LDLRAD3: variants seen among roughly 807,000 people sequenced by gnomAD.
The protein encoded by LDLRAD3 is low-density lipoprotein receptor class A domain-containing protein 3.
A neutral mutation model predicts 29.4 loss-of-function variants in LDLRAD3; 20 were observed. That is an observed-to-expected ratio of 0.68 (90% CI 0.48 to 0.99). The LOEUF (loss-of-function observed/expected upper bound fraction) is 0.99. Among genes scored for constraint, LDLRAD3 ranks in the 50% least tolerant of loss-of-function variants. The probability of loss-of-function intolerance (pLI) is 0.00; values close to 1 mark genes in which losing one functional copy is unlikely to be tolerated. For synonymous variants in LDLRAD3, 157 were observed against 192.7 expected, an observed-to-expected ratio of 0.81 and a Z score of 1.53; for missense variants, 420 against 454.3, an observed-to-expected ratio of 0.92 and a Z score of 0.69.
intron 1 of LDLRAD3, among the ~76,000 whole-genome samples, chr11:35,991,763 G>A (rs1301759846): frequency 6.6e-6 from 1 of 152,094 alleles, no homozygotes; most frequent in Non-Finnish European, 1.5e-5. Context: ...GCTGGTGGAG[G>A]GAGCTGCTTT....
chr11:35,982,908 C>T (rs1466742165), intron 1 of LDLRAD3, among the ~76,000 whole-genome samples: 3 of 133,472 alleles, frequency 2.2e-5, no homozygotes, highest in Admixed American at 8.8e-5. Flanking sequence ...AGCTGCAGTG[C>T]GGTGTCGCAA....
At chr11:35,952,281 A>G (rs984320364) in intron 1 of LDLRAD3, among the ~76,000 whole-genome samples, 5 of 152,166 alleles carry the variant, frequency 3.3e-5, no homozygotes, top group Non-Finnish European at 7.4e-5. Context: ...TAGAAATCCA[A>G]GTCTGTATGT....
chr11:36,225,869 G>A (rs185027920), intron 4 of LDLRAD3, among the ~76,000 whole-genome samples: 7 of 152,096 alleles, frequency 4.6e-5, no homozygotes, highest in Admixed American at 2.0e-4. Flanking sequence ...TCAAGAGTTC[G>A]AGACCAGCCT....
At chr11:36,144,437 A>C (rs1854139027) in intron 4 of LDLRAD3, among the ~76,000 whole-genome samples, 1 of 141,080 alleles carries the variant, frequency 7.1e-6, no homozygotes. Context: ...CCAGTCTGGA[A>C]AGTGAGGAGT....
chr11:36,149,425 C>T (rs1349116609), intron 4 of LDLRAD3, among the ~76,000 whole-genome samples: 2 of 152,212 alleles, frequency 1.3e-5, no homozygotes, highest in Admixed American at 6.5e-5. Context: ...TATCAGTATG[C>T]AGTCGCTAGA....
intron 4 of LDLRAD3, among the ~76,000 whole-genome samples, chr11:36,105,846 T>G (rs1853521666): frequency 6.6e-6 from 1 of 152,076 alleles, no homozygotes; most frequent in Non-Finnish European, 1.5e-5. Context: ...CTGTGGTACT[T>G]TGTTGCAGCA....
intron 4 of LDLRAD3, among the ~76,000 whole-genome samples, chr11:36,113,672 C>CTTT (rs745375991): frequency 0.063 from 7,934 of 126,296 alleles, 415 homozygotes; most frequent in African/African-American, 0.096. Context: ...CATAGCATCA[C>CTTT]TTTTTTTTTT....
At chr11:36,175,733 G>C (rs773866450) in intron 4 of LDLRAD3, among the ~76,000 whole-genome samples, 4 of 152,114 alleles carry the variant, frequency 2.6e-5, no homozygotes, top group Admixed American at 6.5e-5. Context: ...CCTATTATAT[G>C]GTCTGTCTTA....
In LDLRAD3 at chr11:36,213,958, C is replaced by T. The variant is rs1177405511; in HGVS notation, c.455-13127C>T. Among the ~76,000 whole-genome samples the T allele has an allele frequency of 2.6e-5, 4 of 152,196 alleles. No individual in the cohort carries two copies. The highest frequency in any genetic ancestry group is 5.9e-5 in the Non-Finnish European group (4 of 68,030). ...GAAGCAAGCTCACAGTCGCTTCACT[C>T]GGCTCAAATTTAAAACAGTCTTCAG... On this transcript the variant is annotated intron_variant, in intron 4 of 5. Transcript: ENST00000315571. This position sits in a 1 kb window ranked among gnomAD's most constrained non-coding sequence, Gnocchi z 4.1.
chr11:36,078,096 G>A (rs994287628), intron 2 of LDLRAD3, among the ~76,000 whole-genome samples: 5 of 152,104 alleles, frequency 3.3e-5, no homozygotes, highest in Non-Finnish European at 5.9e-5. Context: ...AGCTTGTCCT[G>A]TTGTCTCCTC....
chr11:36,126,807 A>C (rs1442656116), intron 4 of LDLRAD3, among the ~76,000 whole-genome samples: 1 of 152,222 alleles, frequency 6.6e-6, no homozygotes, highest in Non-Finnish European at 1.5e-5. Context: ...TGGAGTTATA[A>C]TCTGCAGAGA....
chr11:36,164,860 G>A (rs1207817495), intron 4 of LDLRAD3, among the ~76,000 whole-genome samples: 1 of 152,210 alleles, frequency 6.6e-6, no homozygotes, highest in African/African-American at 2.4e-5. Context: ...CCTTGAATTA[G>A]CCATGACCCA....
At chr11:36,215,528 G>A (rs1177048135) in intron 4 of LDLRAD3, among the ~76,000 whole-genome samples, 1 of 152,144 alleles carries the variant, frequency 6.6e-6, no homozygotes, top group African/African-American at 2.4e-5. Context: ...TTTGGCATCG[G>A]ATATGTCTTG....
intron 4 of LDLRAD3, among the ~76,000 whole-genome samples, chr11:36,195,500 G>A (rs544510187): frequency 4.9e-4 from 75 of 152,216 alleles, no homozygotes; most frequent in African/African-American, 1.2e-3. Flanking sequence ...AAGTCCCACC[G>A]TCTAATTCCT....
chr11:36,212,052 A>G (rs1855289817), intron 4 of LDLRAD3, among the ~76,000 whole-genome samples: 1 of 152,228 alleles, frequency 6.6e-6, no homozygotes, highest in Non-Finnish European at 1.5e-5. Flanking sequence ...TAGCTACAGT[A>G]AGCAATAGAA....
At chr11:36,029,471 AC>A (rs1852208473) in intron 1 of LDLRAD3, among the ~76,000 whole-genome samples, 1 of 151,662 alleles carries the variant, frequency 6.6e-6, no homozygotes, top group African/African-American at 2.4e-5. Flanking sequence ...TTGCTGTCAG[AC>A]CCCCAAACTG....
At chr11:36,120,970 A>C (rs930181594) in intron 4 of LDLRAD3, among the ~76,000 whole-genome samples, 5 of 152,106 alleles carry the variant, frequency 3.3e-5, no homozygotes, top group Non-Finnish European at 7.4e-5. Context: ...TTCTACCAGG[A>C]CTTTGATCTT....
chr11:36,083,295 C>T (rs934925715), intron 3 of LDLRAD3, among the ~76,000 whole-genome samples: 2 of 152,170 alleles, frequency 1.3e-5, no homozygotes, highest in African/African-American at 2.4e-5. Context: ...CTGCCCTAAA[C>T]ATTTTCTGTG....
At chr11:35,989,166 A>G (rs953495618) in intron 1 of LDLRAD3, among the ~76,000 whole-genome samples, 2 of 152,170 alleles carry the variant, frequency 1.3e-5, no homozygotes, top group Non-Finnish European at 2.9e-5. Flanking sequence ...GACTTTGTAA[A>G]AGATCAGATG....
Sources: gnomAD v4.1 joint callset for allele counts (sites outside exome capture counted in the v4.1 genomes callset) on GRCh38, gnomAD v4.1.1 for gene constraint, Gnocchi (gnomAD v3.1) non-coding constraint, MANE v1.5 for transcripts, NCBI Gene and HGNC (gene_info 2026-07-23, HGNC 2026-07-21) for gene names.